The following CLEC16A variants were observed in gnomAD, a reference collection of about 807,000 sequenced individuals.
CLEC16A encodes C-type lectin domain containing 16A.
In CLEC16A, 51 loss-of-function variants were observed where a neutral mutation model predicts 109.5. The observed-to-expected ratio is 0.47, with a 90% CI of 0.37 to 0.59. CLEC16A has a LOEUF of 0.59. Ranked by LOEUF, CLEC16A falls within the 20% of genes least tolerant of loss-of-function variation. CLEC16A has a pLI of 0.00. For synonymous variants in CLEC16A, 673 were observed against 564.2 expected (o/e 1.19, Z -2.73); for missense variants, 1,339 against 1,394.0 (o/e 0.96, Z 0.63).
At chr16:10,975,931 CA>C (rs2043012179) in intron 7 of CLEC16A, among the ~76,000 whole-genome samples, 1 of 152,120 alleles carries the variant, frequency 6.6e-6, no homozygotes, top group African/African-American at 2.4e-5. Context: ...GGATTACAGA[CA>C]TGAGCCACTG....
intron 11 of CLEC16A, 76 bp from the exon 12 acceptor site, chr16:11,020,117 T>G (rs2046006181): frequency 6.7e-7 from 1 of 1,495,062 alleles, no homozygotes; most frequent in African/African-American, 1.4e-5. Flanking sequence ...ATATTTATTC[T>G]CCAACATGAG....
At chr16:11,085,226 G>C (rs1055773898) in intron 19 of CLEC16A, among the ~76,000 whole-genome samples, 1 of 152,268 alleles carries the variant, frequency 6.6e-6, no homozygotes, top group African/African-American at 2.4e-5. Context: ...CGGGAAGGGG[G>C]CTTTCAGCCT....
At position 11,113,896 on chromosome 16, in the gene CLEC16A, G is replaced by T. The variant is rs562322987; in HGVS notation, c.2117-6719G>T. The stretch of plus-strand genomic sequence containing the variant: ...CCACGCGTGTGAGTGTTTTTCTTGG[G>T]AACATACCAATTGCTAGGTCATAGA... On this transcript the variant is annotated intron_variant, in intron 19 of 23. Transcript: ENST00000409790. Among the ~76,000 whole-genome samples the T allele has an allele frequency of 2.0e-5, 3 of 152,212 alleles. No individual in the cohort carries two copies. In the South Asian group the frequency reaches 6.2e-4, roughly 32 times the overall value.
In CLEC16A at chr16:11,027,804, G is replaced by T; in HGVS notation, c.1537+2883G>T. The T allele has an allele frequency of 3.6e-6, 3 of 829,156 alleles. No homozygotes were observed. The South Asian group carries it at 4.3e-5, about 12-fold the overall frequency. The allele number at this position is 829,156 out of a possible 1,614,324, so 51.4% of individuals were successfully genotyped here. ...CTGCAGTATATTTTTGATCAATGAA[G>T]TGGAAGCATGTGTTTTGTTGTTTTG... On this transcript the variant is annotated intron_variant, in intron 13 of 23. Coordinates refer to ENST00000409790, the MANE Select transcript of CLEC16A (RefSeq NM_015226.3).
chr16:11,083,148 G>GTTGT (rs144974456), intron 19 of CLEC16A, among the ~76,000 whole-genome samples: 71 of 147,548 alleles, frequency 4.8e-4, no homozygotes, highest in East Asian at 2.1e-3. Flanking sequence ...TGTTGTTGTT[G>GTTGT]TTGTTTGTTT....
intron 22 of CLEC16A, among the ~76,000 whole-genome samples, chr16:11,161,959 A>G (rs2054738016): frequency 6.6e-6 from 1 of 152,206 alleles, no homozygotes; most frequent in African/African-American, 2.4e-5. Flanking sequence ...GGAAAGCTTA[A>G]AGACCTGTAG....
chr16:11,017,960 A>G (rs1042339432), intron 11 of CLEC16A, among the ~76,000 whole-genome samples: 66 of 151,108 alleles, frequency 4.4e-4, no homozygotes, highest in African/African-American at 1.5e-3. Context: ...CCCAAAGTGT[A>G]GAGTTTAGTT....
chr16:11,137,999 TGATGGCCTCTTCA>T (rs1299892091), intron 22 of CLEC16A, among the ~76,000 whole-genome samples: 1 of 152,202 alleles, frequency 6.6e-6, no homozygotes, highest in African/African-American at 2.4e-5. Flanking sequence ...TTCATGCTGC[TGATGGCCTCTTCA>T]AAGCACGGCA....
At chr16:11,126,466 A>G in intron 22 of CLEC16A, 4 of 1,203,148 alleles carry the variant, frequency 3.3e-6, no homozygotes, top group Non-Finnish European at 4.5e-6. Context: ...GTTGTGGGAG[A>G]GTAATTTCCT....
chr16:10,972,867 GT>G (rs567868193), intron 6 of CLEC16A, 70 bp from the exon 7 acceptor site: 2,077 of 1,267,028 alleles, frequency 1.6e-3, no homozygotes, highest in South Asian at 3.4e-3. Flanking sequence ...CTTTGTTTTT[GT>G]TTTTTTTTTA....
chr16:10,962,676 A>G (rs2042306449), intron 3 of CLEC16A, 88 bp downstream of exon 3: 6 of 1,411,530 alleles, frequency 4.3e-6, no homozygotes, highest in Middle Eastern at 2.2e-4. Flanking sequence ...TGCGCTTACT[A>G]TTCGTCGGCT....
chr16:11,163,799 G>GCA (rs2054809605), intron 22 of CLEC16A, among the ~76,000 whole-genome samples: 4 of 152,204 alleles, frequency 2.6e-5, no homozygotes, highest in Non-Finnish European at 5.9e-5. Context: ...CATACAAGGT[G>GCA]TAATCCCAAC....
chr16:10,980,863 C>T (rs530124639), intron 9 of CLEC16A, among the ~76,000 whole-genome samples: 1 of 152,210 alleles, frequency 6.6e-6, no homozygotes, highest in Non-Finnish European at 1.5e-5. Context: ...AAAGCCCCTA[C>T]TTCAATATAA....
At chr16:11,026,013 T>C (rs537585480) in intron 13 of CLEC16A, among the ~76,000 whole-genome samples, 5 of 152,374 alleles carry the variant, frequency 3.3e-5, no homozygotes, top group African/African-American at 1.2e-4. Context: ...CACATCATCA[T>C]ATTTCAGCAC....
At chr16:11,046,121 T>C (rs2047622435) in intron 16 of CLEC16A, among the ~76,000 whole-genome samples, 1 of 152,160 alleles carries the variant, frequency 6.6e-6, no homozygotes, top group Admixed American at 6.5e-5. Context: ...TCTTTGAACC[T>C]CTTTCCAGTA....
chr16:11,181,463 T>A lies in CLEC16A; in HGVS notation c.*2773T>A, dbSNP rs931066258. 6.6e-6 allele frequency: 1 copy of A among 152,384 alleles called. No homozygotes were observed. Among genetic ancestry groups the A allele is most frequent in the Non-Finnish European group, 1.5e-5 (1 of 68,184 alleles). 9.4% of individuals were successfully genotyped at this position (152,384 alleles called of 1,614,324 possible). A position where few individuals can be genotyped will look rare whatever the true frequency, so the allele number is the denominator to read the frequency against. ...TTATGGCCCAGGCCCTGGTCCACCC[T>A]TCCCCTGTGCACCTCCGGCTGGGTT... On this transcript the variant is annotated 3_prime_UTR_variant, in exon 24 of 24. Coordinates refer to ENST00000409790, the MANE Select transcript of CLEC16A (RefSeq NM_015226.3).
chr16:11,157,108 G>T (rs1670579944), intron 22 of CLEC16A: 1 of 1,303,398 alleles, frequency 7.7e-7, no homozygotes, highest in African/African-American at 1.5e-5. Context: ...AATCTGAGAG[G>T]ATTTATCCAT....
chr16:11,151,732 A>T (rs554985527), intron 22 of CLEC16A, among the ~76,000 whole-genome samples: 1 of 152,320 alleles, frequency 6.6e-6, no homozygotes, highest in South Asian at 2.1e-4. Flanking sequence ...GACTTCTCTG[A>T]TTTAGTTCAG....
chr16:11,021,658 C>T (rs2046106219), intron 12 of CLEC16A, among the ~76,000 whole-genome samples: 1 of 152,102 alleles, frequency 6.6e-6, no homozygotes, highest in Admixed American at 6.6e-5. Context: ...ATTAGCCGGG[C>T]ATGGTGGCAG....
Sources: allele counts gnomAD v4.1 joint callset (sites outside exome capture counted in the v4.1 genomes callset), GRCh38; gene constraint gnomAD v4.1.1; transcripts MANE v1.5; gene names NCBI Gene and HGNC (gene_info 2026-07-23, HGNC 2026-07-21).